Variants in ACTR3C observed in about 807,000 individuals in gnomAD.
The protein encoded by ACTR3C is actin related protein 3C.
In ACTR3C, 18 loss-of-function variants were observed where a neutral mutation model predicts 26.3. The observed-to-expected ratio is 0.68, with a 90% CI of 0.47 to 1.01. ACTR3C has a LOEUF of 1.01. ACTR3C is among the 50% of genes least tolerant of loss of function. The pLI, the probability that ACTR3C is intolerant of heterozygous loss-of-function variation, is 0.00. For missense variants in ACTR3C, 184 were observed against 250.7 expected, an observed-to-expected ratio of 0.73 and a Z score of 1.80; for synonymous variants, 55 against 94.5, an observed-to-expected ratio of 0.58 and a Z score of 2.42.
At chr7:150,035,622 G>T in the ACTR3C span, among the ~76,000 whole-genome samples, 5 of 133,608 alleles carry the variant, frequency 3.7e-5, 1 homozygote, top group African/African-American at 1.4e-4. Context: ...GCCGTCGGAA[G>T]ATTTGAACTT....
At chr7:150,047,894 A>T in the ACTR3C span, 1 of 1,396,902 alleles carries the variant, frequency 7.2e-7, no homozygotes, top group East Asian at 3.3e-5. Flanking sequence ...AGGGCTTTTT[A>T]ATATTTTGCT....
the ACTR3C span, among the ~76,000 whole-genome samples, chr7:149,907,477 C>CT: frequency 1.2e-5 from 1 of 82,264 alleles, no homozygotes; most frequent in Non-Finnish European, 2.3e-5. Context: ...CCTCTCTTCT[C>CT]TTCTCTCTCT....
chr7:150,235,743 G>A, the ACTR3C span, among the ~76,000 whole-genome samples: 1 of 152,086 alleles, frequency 6.6e-6, no homozygotes, highest in Non-Finnish European at 1.5e-5. Flanking sequence ...AAACACGCAA[G>A]TCAATATCTG....
the ACTR3C span, among the ~76,000 whole-genome samples, chr7:150,161,499 A>C: frequency 6.6e-6 from 1 of 151,934 alleles, no homozygotes; most frequent in Admixed American, 6.6e-5. Flanking sequence ...TTTGCTGAGA[A>C]TGATGGTTTC....
chr7:149,914,600 TA>T, the ACTR3C span, among the ~76,000 whole-genome samples: 1 of 123,782 alleles, frequency 8.1e-6, no homozygotes, highest in Non-Finnish European at 1.7e-5. Context: ...CAAACAGAAG[TA>T]GTAAAAAAAA....
chr7:150,306,350 T>C (rs1232935427), intron 1 of ACTR3C, among the ~76,000 whole-genome samples: 1 of 152,004 alleles, frequency 6.6e-6, no homozygotes, highest in East Asian at 1.9e-4. Flanking sequence ...AAGCAAGAAC[T>C]CCTGGCGCGG....
chr7:149,926,272 T>C, the ACTR3C span, among the ~76,000 whole-genome samples: 1 of 152,256 alleles, frequency 6.6e-6, no homozygotes, highest in African/African-American at 2.4e-5. Context: ...ATATTCCCTA[T>C]GTGCAGAAGA....
At chr7:149,891,372 C>G in the ACTR3C span, 3 of 1,066,086 alleles carry the variant, frequency 2.8e-6, no homozygotes, top group South Asian at 1.8e-5. Flanking sequence ...AACAGTGGCA[C>G]AGAAGAAACT....
the ACTR3C span, among the ~76,000 whole-genome samples, chr7:150,035,545 G>GC: frequency 8.2e-5 from 10 of 121,644 alleles, no homozygotes; most frequent in Non-Finnish European, 1.8e-4. Context: ...TCCCCCTCCT[G>GC]CGATGGGGGT....
the ACTR3C span, among the ~76,000 whole-genome samples, chr7:150,006,193 T>A: frequency 6.7e-6 from 1 of 148,760 alleles, no homozygotes; most frequent in African/African-American, 2.6e-5. Flanking sequence ...AGAATTTATT[T>A]ATTTATTTAT....
the ACTR3C span, among the ~76,000 whole-genome samples, chr7:150,044,269 A>C: frequency 1.1e-4 from 17 of 152,340 alleles, no homozygotes; most frequent in African/African-American, 3.4e-4. Flanking sequence ...AAAGTTAATA[A>C]ATTCCACTAA....
At chr7:150,047,681 G>C in the ACTR3C span, 1 of 1,087,576 alleles carries the variant, frequency 9.2e-7, no homozygotes. Flanking sequence ...CGCCGCCGCC[G>C]CCGCCGCGCT....
chr7:150,161,213 TATATATATA>T, the ACTR3C span, among the ~76,000 whole-genome samples: 1 of 128,418 alleles, frequency 7.8e-6, no homozygotes, highest in Non-Finnish European at 1.6e-5. Context: ...TATATATATA[TATATATATA>T]TATTTATTAT....
chr7:150,279,268 G>T (rs1835125203), intron 6 of ACTR3C, among the ~76,000 whole-genome samples: 1 of 152,204 alleles, frequency 6.6e-6, no homozygotes, highest in Admixed American at 6.5e-5. Context: ...TCACACCACT[G>T]CACTTCAGCG....
the ACTR3C span, among the ~76,000 whole-genome samples, chr7:149,895,290 A>T: frequency 6.6e-6 from 1 of 151,916 alleles, no homozygotes; most frequent in Non-Finnish European, 1.5e-5. Context: ...ACGTAACTAC[A>T]GTTAGATAGG....
chr7:149,961,709 C>T, the ACTR3C span, among the ~76,000 whole-genome samples: 1 of 151,840 alleles, frequency 6.6e-6, no homozygotes, highest in Non-Finnish European at 1.5e-5. Context: ...ACAGGAAGTG[C>T]ACAGATAGGA....
At chr7:150,116,199 C>T in the ACTR3C span, among the ~76,000 whole-genome samples, 7 of 152,286 alleles carry the variant, frequency 4.6e-5, no homozygotes, top group Middle Eastern at 0.014. Context: ...TTCAGCTATG[C>T]GAATGCAAAA....
At chr7:150,192,371 T>C in the ACTR3C span, among the ~76,000 whole-genome samples, 1 of 152,246 alleles carries the variant, frequency 6.6e-6, no homozygotes, top group African/African-American at 2.4e-5. Flanking sequence ...CAATCATAGC[T>C]CACTGCAGCC....
chr7:150,221,935 T>C, the ACTR3C span, among the ~76,000 whole-genome samples: 1 of 147,694 alleles, frequency 6.8e-6, no homozygotes, highest in Non-Finnish European at 1.5e-5. Context: ...GAGGCGGATC[T>C]TGCAGTGAGC....
Sources: allele counts gnomAD v4.1 joint callset (sites outside exome capture counted in the v4.1 genomes callset), GRCh38; gene constraint gnomAD v4.1.1; transcripts MANE v1.5; gene names NCBI Gene and HGNC (gene_info 2026-07-23, HGNC 2026-07-21).